The following GLDC variants were observed in gnomAD, a reference collection of about 807,000 sequenced individuals.
GLDC encodes the protein glycine decarboxylase.
A neutral mutation model predicts 121.3 loss-of-function variants in GLDC; 104 were observed. That is an observed-to-expected ratio of 0.86 (90% CI 0.73 to 1.01). The LOEUF is 1.01. GLDC is among the 50% of genes least tolerant of loss of function. The probability of loss-of-function intolerance (pLI) is 0.00; values close to 1 mark genes in which losing one functional copy is unlikely to be tolerated. For synonymous variants in GLDC, 546 were observed against 480.6 expected (o/e 1.14, Z -1.78); for missense variants, 1,429 against 1,306.6 (o/e 1.09, Z -1.44).
At chr9:6,560,936 T>C (rs1450003496) in intron 16 of GLDC, among the ~76,000 whole-genome samples, 1 of 152,122 alleles carries the variant, frequency 6.6e-6, no homozygotes, top group Admixed American at 6.5e-5. Flanking sequence ...CAGAGGGAGA[T>C]GGGACCACAG....
Position 6,593,009 on chromosome 9 carries a change from C to T in GLDC, c.1262-19G>A, listed in dbSNP as rs1228227787. ...TTGAGACCTACACAAGATAGGAGAT[C>T]CCCCAAACTCTCATATAGAAACCTG... On this transcript the variant is annotated intron_variant, in intron 9 of 24. Coordinates refer to ENST00000321612, the MANE Select transcript of GLDC (RefSeq NM_000170.3). 1.2e-6 allele frequency: 2 copies of T among 1,613,272 alleles called. No homozygotes were observed. Among genetic ancestry groups the T allele is most frequent in the African/African-American group, 2.7e-5 (2 of 74,932 alleles).
At chr9:6,635,811 G>A (rs1819489221) in intron 2 of GLDC, among the ~76,000 whole-genome samples, 1 of 152,038 alleles carries the variant, frequency 6.6e-6, no homozygotes, top group Non-Finnish European at 1.5e-5. Context: ...AGAGGTCGAG[G>A]TTGCACAGAG....
At chr9:6,534,648 G>T in intron 24 of GLDC, 60 bp downstream of exon 24, 1 of 854,196 alleles carries the variant, frequency 1.2e-6, no homozygotes, top group Non-Finnish European at 2.0e-6. Context: ...GCGTACACCC[G>T]TCAGGATAGG....
chr9:6,538,176 G>C lies in GLDC; in HGVS notation c.2665+1875C>G, dbSNP rs147643561. Among the ~76,000 whole-genome samples the C allele has an allele frequency of 6.9e-4, 105 of 151,774 alleles. 1 individual carries two copies. The highest frequency in any genetic ancestry group is 2.4e-3 in the African/African-American group (101 of 41,356). The stretch of plus-strand genomic sequence containing the variant: ...CGTCTGCCCTTAATTCCATGTGTGA[G>C]CAAATTCAGTCCAACATATCCTGCT... On this transcript the variant is annotated intron_variant, in intron 22 of 24. Transcript: ENST00000321612.
intron 15 of GLDC, chr9:6,568,946 G>A (rs1329967897): frequency 6.6e-6 from 1 of 152,250 alleles, no homozygotes; most frequent in South Asian, 2.1e-4. Flanking sequence ...TGGGGAAATT[G>A]AGCAGACAAC....
Position 6,592,302 on chromosome 9 carries a change from G to C in GLDC, c.1402-79C>G, listed in dbSNP as rs528026131. 6 of 872,232 alleles carry C rather than the reference G, an allele frequency of 6.9e-6. No individual in the cohort carries two copies. In the Admixed American group the frequency reaches 6.9e-5, roughly 10 times the overall value. 54.0% of individuals were successfully genotyped at this position (872,232 alleles called of 1,614,324 possible). A position where few individuals can be genotyped will look rare whatever the true frequency, so the allele number is the denominator to read the frequency against. ...GAGGAATCCCAAGAGAGGTCAAAGGGGAGACAGTGCTAAACAAAATCCCAT... is the reference window on the plus strand; with the variant it reads ...GAGGAATCCCAAGAGAGGTCAAAGGCGAGACAGTGCTAAACAAAATCCCAT... On this transcript the variant is annotated intron_variant, in intron 10 of 24. Transcript: ENST00000321612.
At chr9:6,631,026 C>G (rs926300983) in intron 2 of GLDC, among the ~76,000 whole-genome samples, 1 of 152,192 alleles carries the variant, frequency 6.6e-6, no homozygotes, top group Non-Finnish European at 1.5e-5. Flanking sequence ...ATACGCTACG[C>G]TCTGCACAGC....
chr9:6,577,936 C>G (rs1462882924), intron 15 of GLDC, among the ~76,000 whole-genome samples: 1 of 151,072 alleles, frequency 6.6e-6, no homozygotes, highest in Non-Finnish European at 1.5e-5. Flanking sequence ...CTTCTTTTTT[C>G]TTTTTTAAAA....
rs922593132 is a variant in GLDC at position 6,554,797 on chromosome 9, G to C, written c.2203-16C>G. ...AGATTCCCACCTACCACAAAGGCAA[G>C]GGCCAAAAGCAAAAGTCAAGAGCTT... On this transcript the variant is annotated splice_polypyrimidine_tract_variant and intron_variant, in intron 18 of 24. Transcript: ENST00000321612. 3 of 1,595,590 alleles carry C rather than the reference G, an allele frequency of 1.9e-6. No homozygotes were observed. Among genetic ancestry groups the C allele is most frequent in the Non-Finnish European group, 1.7e-6 (2 of 1,166,320 alleles).
At chr9:6,611,946 C>G (rs564868572) in intron 3 of GLDC, among the ~76,000 whole-genome samples, 1 of 152,088 alleles carries the variant, frequency 6.6e-6, no homozygotes, top group Admixed American at 6.6e-5. Context: ...TCTGTCTTCA[C>G]GGTGTCAAGC....
intron 21 of GLDC, chr9:6,540,419 G>A: frequency 2.2e-6 from 1 of 444,582 alleles, no homozygotes; most frequent in South Asian, 2.2e-5. Flanking sequence ...GCAGGTGGGG[G>A]GCATTACTGA....
chr9:6,543,113 A>C (rs1374641141), intron 21 of GLDC, among the ~76,000 whole-genome samples: 2 of 151,966 alleles, frequency 1.3e-5, no homozygotes, highest in Non-Finnish European at 2.9e-5. Flanking sequence ...CCTATCCTAC[A>C]AAATATTTAA....
At chr9:6,627,534 A>G (rs1306215426) in intron 2 of GLDC, among the ~76,000 whole-genome samples, 2 of 152,156 alleles carry the variant, frequency 1.3e-5, no homozygotes, top group East Asian at 1.9e-4. Flanking sequence ...CTTGGTAGTT[A>G]TGCCCAATTT....
intron 15 of GLDC, among the ~76,000 whole-genome samples, chr9:6,571,975 G>C (rs1817978132): frequency 6.6e-6 from 1 of 152,116 alleles, no homozygotes; most frequent in African/African-American, 2.4e-5. Context: ...TCAATAAATG[G>C]AACTGAAACA....
rs2129831606 is a variant in GLDC at position 6,587,175 on chromosome 9, T to C, written c.1816A>G (p.Thr606Ala). Residue 606 changes from threonine (T) to alanine (A), a missense_variant, in exon 15 of 25, where the codon ACA (threonine) becomes GCA (alanine). Coordinates refer to ENST00000321612, the MANE Select transcript of GLDC (RefSeq NM_000170.3). ...RELEKDLCEL[T>A]GYDQVCFQPN... ...TGGAAACAGACCTGGTCATAACCTG[T>C]GAGTTCACACAAATCCTTCTCAAGC... 2 of 1,613,912 alleles carry C rather than the reference T, an allele frequency of 1.2e-6. No homozygotes were observed. Among genetic ancestry groups the C allele is most frequent in the Non-Finnish European group, 1.7e-6 (2 of 1,179,878 alleles).
chr9:6,629,350 G>A (rs1158886785), intron 2 of GLDC, among the ~76,000 whole-genome samples: 1 of 151,784 alleles, frequency 6.6e-6, no homozygotes, highest in Non-Finnish European at 1.5e-5. Context: ...GAGTAGCTGG[G>A]ATTAGAGGCA....
intron 14 of GLDC, among the ~76,000 whole-genome samples, chr9:6,588,182 T>G (rs1185911256): frequency 6.6e-6 from 1 of 152,148 alleles, no homozygotes; most frequent in Non-Finnish European, 1.5e-5. Flanking sequence ...TTAATTAATT[T>G]TATTAAAAAA....
chr9:6,632,308 A>T (rs1236171942), intron 2 of GLDC, among the ~76,000 whole-genome samples: 1 of 152,220 alleles, frequency 6.6e-6, no homozygotes, highest in Non-Finnish European at 1.5e-5. Context: ...AGCCTCAGAG[A>T]AACATTTATC....
rs74709676 is a variant in GLDC, at chr9:6,540,480, T to C, written c.2570-334A>G. 4.0e-3 allele frequency: 1,373 copies of C among 344,688 alleles called. 16 individuals carry two copies. The highest frequency in any genetic ancestry group is 0.027 in the African/African-American group (1,294 of 47,558). 21.4% of individuals were successfully genotyped at this position (344,688 alleles called of 1,614,324 possible). A position where few individuals can be genotyped will look rare whatever the true frequency, so the allele number is the denominator to read the frequency against. ...TGAGATTATTTCTATTCTGCGGACA[T>C]AAAATCTACTTGCAACAGTTAAATG... On this transcript the variant is annotated intron_variant, in intron 21 of 24. Coordinates refer to ENST00000321612, the MANE Select transcript of GLDC (RefSeq NM_000170.3).
Sources: allele counts gnomAD v4.1 joint callset (sites outside exome capture counted in the v4.1 genomes callset), GRCh38; gene constraint gnomAD v4.1.1; transcripts MANE v1.5; gene names NCBI Gene and HGNC (gene_info 2026-07-23, HGNC 2026-07-21).